Variants in RALYL observed in about 807,000 individuals in gnomAD.
RALYL encodes the protein RNA-binding Raly-like protein.
RALYL carries 29 observed loss-of-function variants against 35.1 expected under a neutral mutation model. The observed-to-expected ratio is 0.83, with a 90% CI of 0.61 to 1.13. The LOEUF (loss-of-function observed/expected upper bound fraction) is 1.13, where lower values mean the gene tolerates loss of function less well. Among genes scored for constraint, RALYL ranks in the 50% most tolerant of loss-of-function variants. RALYL has a pLI of 0.00. For missense variants in RALYL, 359 were observed against 360.4 expected (o/e 1.00, Z 0.03); for synonymous variants, 120 against 127.6 (o/e 0.94, Z 0.40).
chr8:84,309,338 A>C (rs1385424709), intron 1 of RALYL, among the ~76,000 whole-genome samples: 1 of 151,720 alleles, frequency 6.6e-6, no homozygotes, highest in African/African-American at 2.4e-5. Flanking sequence ...AACAGTCTTA[A>C]TTAAGCAAAT....
At chr8:84,782,896 G>C (rs559420601) in intron 3 of RALYL, among the ~76,000 whole-genome samples, 2 of 152,150 alleles carry the variant, frequency 1.3e-5, no homozygotes, top group South Asian at 4.2e-4. Context: ...TATTTTATGG[G>C]TATTGTTCAT....
At chr8:84,365,762 A>T (rs541358035) in intron 1 of RALYL, among the ~76,000 whole-genome samples, 2 of 152,202 alleles carry the variant, frequency 1.3e-5, no homozygotes, top group South Asian at 2.1e-4. Context: ...CAGAAAATGA[A>T]TTTTTTAGAA....
chr8:84,851,488 A>T lies in RALYL; in HGVS notation c.413+1461A>T, dbSNP rs191764566. ...CTATATATAGATAGATTACGGGATT[A>T]AAAAATGAGGTAAATATATTTTAAG... On this transcript the variant is annotated intron_variant, in intron 5 of 8. Transcript: ENST00000521268. Among the ~76,000 whole-genome samples the T allele has an allele frequency of 9.5e-4, 144 of 152,332 alleles. 1 individual carries two copies. The highest frequency in any genetic ancestry group is 3.4e-3 in the African/African-American group (142 of 41,580).
chr8:84,913,027 GA>G (rs1563856268), intron 8 of RALYL, among the ~76,000 whole-genome samples: 2 of 120,390 alleles, frequency 1.7e-5, no homozygotes, highest in African/African-American at 3.3e-5. Context: ...TGGATGGATG[GA>G]TGGATAGGTA....
chr8:84,842,208 G>A (rs1833557229), intron 4 of RALYL, among the ~76,000 whole-genome samples: 1 of 152,102 alleles, frequency 6.6e-6, no homozygotes, highest in African/African-American at 2.4e-5. Context: ...CAACAAAATT[G>A]ATAGACTGCT....
chr8:84,851,968 A>G (rs1835943823), intron 5 of RALYL, among the ~76,000 whole-genome samples: 1 of 152,166 alleles, frequency 6.6e-6, no homozygotes, highest in Non-Finnish European at 1.5e-5. Context: ...TTATCTTTGT[A>G]TCCTTGGGGA....
intron 1 of RALYL, among the ~76,000 whole-genome samples, chr8:84,459,939 TAAAC>T (rs1249496506): frequency 6.6e-6 from 1 of 151,758 alleles, no homozygotes; most frequent in East Asian, 1.9e-4. Context: ...CACAAATTCT[TAAAC>T]TATAGAAATC....
At chr8:84,913,492 G>T (rs78450790) in intron 8 of RALYL, among the ~76,000 whole-genome samples, 1 of 151,894 alleles carries the variant, frequency 6.6e-6, no homozygotes, top group Middle Eastern at 3.4e-3. Context: ...TATAACTGAC[G>T]ATTTTTCTAA....
In RALYL at chr8:84,469,910, C is replaced by A. The variant is rs145281572; in HGVS notation, c.-23-59389C>A. On this transcript the variant is annotated intron_variant, in intron 1 of 8. Transcript: ENST00000521268. The stretch of plus-strand genomic sequence containing the variant: ...GGGAGTGACCCGATTTTCCAGGTGC[C>A]GTCTGTCAGCCCTTTCTTTGACTCA... Among the ~76,000 whole-genome samples the A allele has an allele frequency of 5.4e-3, 821 of 152,268 alleles. 10 individuals carry two copies. Among genetic ancestry groups the A allele is most frequent in the African/African-American group, 0.018 (768 of 41,546 alleles).
intron 4 of RALYL, among the ~76,000 whole-genome samples, chr8:84,819,913 C>A (rs1049842606): frequency 2.0e-5 from 3 of 152,054 alleles, no homozygotes; most frequent in Non-Finnish European, 4.4e-5. Context: ...CACATTAAAC[C>A]CAATATCACA....
intron 1 of RALYL, among the ~76,000 whole-genome samples, chr8:84,223,016 T>C (rs1822664140): frequency 2.0e-5 from 3 of 152,108 alleles, no homozygotes; most frequent in Admixed American, 1.3e-4. Context: ...TAAGTGGGAA[T>C]TTGGGGGCCA....
intron 4 of RALYL, among the ~76,000 whole-genome samples, chr8:84,835,576 G>A (rs1436363586): frequency 6.6e-6 from 1 of 150,754 alleles, no homozygotes; most frequent in South Asian, 2.1e-4. Context: ...CCAGCTACTC[G>A]GGAGGCTGAG....
intron 2 of RALYL, among the ~76,000 whole-genome samples, chr8:84,709,640 G>A (rs1438876728): frequency 2.0e-5 from 3 of 151,376 alleles, no homozygotes; most frequent in Admixed American, 1.3e-4. Context: ...TACTCCCGAA[G>A]GTTGAGAATC....
intron 2 of RALYL, among the ~76,000 whole-genome samples, chr8:84,642,209 A>G (rs373051313): frequency 6.6e-6 from 1 of 152,052 alleles, no homozygotes; most frequent in South Asian, 2.1e-4. Context: ...AAACTCATTG[A>G]CTTATAAAAG....
At chr8:84,567,177 A>G (rs1341618245) in intron 2 of RALYL, among the ~76,000 whole-genome samples, 6 of 151,746 alleles carry the variant, frequency 4.0e-5, no homozygotes. Flanking sequence ...GATTTCTCCC[A>G]TTCTGTGGGT....
intron 2 of RALYL, among the ~76,000 whole-genome samples, chr8:84,650,404 A>G (rs191156162): frequency 6.6e-6 from 1 of 151,582 alleles, no homozygotes; most frequent in Non-Finnish European, 1.5e-5. Flanking sequence ...ATCAAAAAGT[A>G]GGCGAAAGAC....
intron 4 of RALYL, among the ~76,000 whole-genome samples, chr8:84,832,135 T>C (rs1192604287): frequency 1.3e-5 from 2 of 152,210 alleles, no homozygotes; most frequent in Non-Finnish European, 2.9e-5. Context: ...TGAATTAATA[T>C]TCCCCACTTG....
intron 2 of RALYL, among the ~76,000 whole-genome samples, chr8:84,544,166 G>A (rs977225028): frequency 6.6e-6 from 1 of 151,974 alleles, no homozygotes; most frequent in African/African-American, 2.4e-5. Context: ...ATGTCACCAA[G>A]TAAATACACA....
intron 1 of RALYL, among the ~76,000 whole-genome samples, chr8:84,496,221 T>C (rs2056001302): frequency 6.6e-6 from 1 of 152,162 alleles, no homozygotes; most frequent in Non-Finnish European, 1.5e-5. Context: ...CTTTTAGGTT[T>C]AGTCATGGTG....
Sources: allele counts gnomAD v4.1 joint callset (sites outside exome capture counted in the v4.1 genomes callset), GRCh38; gene constraint gnomAD v4.1.1; transcripts MANE v1.5; gene names NCBI Gene and HGNC (gene_info 2026-07-23, HGNC 2026-07-21).